GRIK4: variants seen among roughly 807,000 people sequenced by gnomAD.
GRIK4 encodes glutamate receptor ionotropic, kainate 4.
Under a neutral mutation model 104.9 loss-of-function variants are expected in GRIK4, and 40 were observed. That is an observed-to-expected ratio of 0.38 (90% confidence interval 0.30 to 0.50). The LOEUF (loss-of-function observed/expected upper bound fraction) is 0.50. Ranked by LOEUF, GRIK4 falls within the 20% of genes least tolerant of loss-of-function variation. GRIK4 has a pLI of 0.93. For synonymous variants in GRIK4, 485 were observed against 524.9 expected, an observed-to-expected ratio of 0.92 and a Z score of 1.04; for missense variants, 1,047 against 1,308.1, an observed-to-expected ratio of 0.80 and a Z score of 3.08.
At chr11:120,821,018 G>T (rs897582388) in intron 6 of GRIK4, among the ~76,000 whole-genome samples, 1 of 152,174 alleles carries the variant, frequency 6.6e-6, no homozygotes, top group African/African-American at 2.4e-5. Context: ...CCATTTCAAA[G>T]TTGAGGAAGT....
intron 1 of GRIK4, among the ~76,000 whole-genome samples, chr11:120,608,211 G>A (rs762476375): frequency 1.4e-4 from 21 of 152,340 alleles, no homozygotes; most frequent in Non-Finnish European, 2.6e-4. Context: ...TGAGGCTGCT[G>A]CAGGCTTCCA....
chr11:120,968,138 G>A (rs996324832), intron 19 of GRIK4, among the ~76,000 whole-genome samples: 8 of 152,154 alleles, frequency 5.3e-5, no homozygotes, highest in African/African-American at 1.7e-4. Flanking sequence ...TGTTAAATTA[G>A]GCTGAATAGA....
intron 6 of GRIK4, among the ~76,000 whole-genome samples, chr11:120,828,838 G>A (rs1177914297): frequency 2.0e-5 from 3 of 152,178 alleles, no homozygotes; most frequent in African/African-American, 4.8e-5. Context: ...ACTCTCCAAG[G>A]GGTAGCAGGC....
intron 3 of GRIK4, among the ~76,000 whole-genome samples, chr11:120,691,796 G>T (rs1013079832): frequency 6.6e-6 from 1 of 152,188 alleles, no homozygotes; most frequent in African/African-American, 2.4e-5. Context: ...TGCCTTGTAT[G>T]CAGTGGGGCT....
At chr11:120,836,672 C>T (rs1953582197) in intron 7 of GRIK4, 119 bp from the exon 8 acceptor site, 6 of 735,582 alleles carry the variant, frequency 8.2e-6, no homozygotes, top group Non-Finnish European at 1.5e-5. Context: ...ATGTTCTGTT[C>T]TGCCTGGTGC....
At chr11:120,929,464 G>C (rs1565445499) in intron 13 of GRIK4, among the ~76,000 whole-genome samples, 1 of 152,142 alleles carries the variant, frequency 6.6e-6, no homozygotes, top group Non-Finnish European at 1.5e-5. Flanking sequence ...GGGTGGGAGG[G>C]AGAAAGCCGC....
chr11:120,905,396 G>A lies in GRIK4; in HGVS notation c.1379G>A (p.Arg460Gln), dbSNP rs777568733. The A allele has an allele frequency of 7.4e-6, 12 of 1,613,928 alleles. No homozygotes were observed. In the East Asian group the frequency reaches 8.9e-5, roughly 12 times the overall value. ...CTCAAGGAGCTGGCAGAGATCCTCC[G>A]ATTCAACTACAAGATCCGCCTGGTT... ...DMLKELAEILRFNYKIRLVGD... is the reference protein window; with the variant it reads ...DMLKELAEILQFNYKIRLVGD... The change falls in exon 13 of 21, where the codon CGA (arginine) becomes CAA (glutamine). Residue 460 changes from arginine (R) to glutamine (Q), a missense_variant. By Grantham distance (43) the Arg-to-Gln change is conservative. Transcript: ENST00000527524. This position sits in a 1 kb window ranked among gnomAD's most constrained non-coding sequence, Gnocchi z 5.1.
intron 3 of GRIK4, among the ~76,000 whole-genome samples, chr11:120,707,001 T>G (rs1425220432): frequency 6.6e-6 from 1 of 152,186 alleles, no homozygotes; most frequent in African/African-American, 2.4e-5. Flanking sequence ...CCTCTCTGAC[T>G]TGGGCCAAGA....
intron 1 of GRIK4, among the ~76,000 whole-genome samples, chr11:120,568,811 A>C (rs956804037): frequency 6.6e-6 from 1 of 152,178 alleles, no homozygotes; most frequent in Non-Finnish European, 1.5e-5. Context: ...AGCAGTAATT[A>C]ACGTGTCCCT....
chr11:120,872,698 T>A (rs1192764662), intron 9 of GRIK4: 1 of 156,612 alleles, frequency 6.4e-6, no homozygotes, highest in Non-Finnish European at 1.4e-5. Context: ...CTGGACCCCC[T>A]CAGGGCCTTG....
At chr11:120,621,551 G>A (rs77694974) in intron 1 of GRIK4, among the ~76,000 whole-genome samples, 1 of 152,156 alleles carries the variant, frequency 6.6e-6, no homozygotes, top group Admixed American at 6.5e-5. Flanking sequence ...GCCATCAGGA[G>A]CCAGAAAGAG....
intron 1 of GRIK4, chr11:120,619,876 CTTT>C (rs60138020): frequency 2.3e-4 from 46 of 201,572 alleles, no homozygotes; most frequent in African/African-American, 6.0e-4. Context: ...TCTGCTATTT[CTTT>C]TTTTTTTTTT....
At chr11:120,694,732 C>G (rs547128478) in intron 3 of GRIK4, among the ~76,000 whole-genome samples, 2 of 152,264 alleles carry the variant, frequency 1.3e-5, no homozygotes, top group African/African-American at 4.8e-5. Context: ...TCCAGGGGGC[C>G]TGGGAGAAGA....
intron 16 of GRIK4, among the ~76,000 whole-genome samples, chr11:120,960,508 G>A (rs1345585595): frequency 6.6e-6 from 1 of 152,194 alleles, no homozygotes; most frequent in East Asian, 1.9e-4. Flanking sequence ...ACATTTGAAG[G>A]TTGGCTTCAG....
chr11:120,786,493 A>T (rs1952278218), intron 3 of GRIK4, among the ~76,000 whole-genome samples: 1 of 152,142 alleles, frequency 6.6e-6, no homozygotes, highest in South Asian at 2.1e-4. Context: ...CACCCTCGCC[A>T]GGTCCCAATA....
At chr11:120,930,296 C>G (rs1466004653) in intron 13 of GRIK4, among the ~76,000 whole-genome samples, 1 of 152,322 alleles carries the variant, frequency 6.6e-6, no homozygotes, top group East Asian at 1.9e-4. Context: ...GATTTGATCC[C>G]TGCTTCAAGA....
chr11:120,984,951 C>T (rs893740892), intron 20 of GRIK4, among the ~76,000 whole-genome samples: 1 of 151,600 alleles, frequency 6.6e-6, no homozygotes, highest in African/African-American at 2.4e-5. Context: ...CACTCAGCCT[C>T]CCGAGTAGCT....
At chr11:120,538,863 C>G (rs1481434847) in intron 1 of GRIK4, among the ~76,000 whole-genome samples, 4 of 152,230 alleles carry the variant, frequency 2.6e-5, no homozygotes, top group Non-Finnish European at 4.4e-5. Context: ...TCAGGAATGA[C>G]TGGCATCTTC....
intron 11 of GRIK4, among the ~76,000 whole-genome samples, chr11:120,891,347 T>A (rs941317243): frequency 3.3e-5 from 5 of 152,224 alleles, no homozygotes; most frequent in Admixed American, 1.3e-4. Context: ...TTCCCATCGC[T>A]GTCTTGACTC....
Sources: allele counts gnomAD v4.1 joint callset (sites outside exome capture counted in the v4.1 genomes callset), GRCh38; gene constraint gnomAD v4.1.1; non-coding constraint Gnocchi (gnomAD v3.1); transcripts MANE v1.5; gene names NCBI Gene and HGNC (gene_info 2026-07-23, HGNC 2026-07-21).